Variants in CEP295 observed in about 807,000 individuals in gnomAD.
The protein encoded by CEP295 is centrosomal protein 295, also known as centrosomal protein of 295 kDa.
In CEP295, 190 loss-of-function variants were observed where a neutral mutation model predicts 291.6. The observed-to-expected ratio is 0.65, with a 90% confidence interval of 0.58 to 0.73. CEP295 has a LOEUF of 0.73. CEP295 is among the 30% of genes least tolerant of loss of function. CEP295 has a pLI of 0.00. For missense variants in CEP295, 2,863 were observed against 2,949.4 expected, an observed-to-expected ratio of 0.97 and a Z score of 0.68; for synonymous variants, 993 against 1,038.8, an observed-to-expected ratio of 0.96 and a Z score of 0.85.
rs533637734 is a variant in CEP295 at position 93,695,681 on chromosome 11, G to A, written c.1671+47G>A. The A allele has an allele frequency of 1.7e-5, 25 of 1,468,052 alleles. No individual in the cohort carries two copies. In the East Asian group the frequency reaches 6.8e-4, roughly 40 times the overall value. 90.9% of individuals were successfully genotyped at this position (1,468,052 alleles called of 1,614,324 possible). ...CACTACATAAATCATTTGGTAAGGG[G>A]GGCAAGAAAATATGAGCACTTGTAG... On this transcript the variant is annotated intron_variant, in intron 13 of 29. Coordinates refer to ENST00000325212, the MANE Select transcript of CEP295 (RefSeq NM_033395.2).
rs144988709 is a variant in CEP295 at position 93,687,379 on chromosome 11, A to G, written c.1115-265A>G. On this transcript the variant is annotated intron_variant, in intron 9 of 29. Transcript: ENST00000325212. ...TAAACATCTTCCTGATAAGTTTTTTAGGCTTGATATTTGTGTTGCATACAT... is the reference window on the plus strand; with the variant it reads ...TAAACATCTTCCTGATAAGTTTTTTGGGCTTGATATTTGTGTTGCATACAT... 1.4e-3 allele frequency among the ~76,000 whole-genome samples: 212 copies of G among 152,314 alleles called. 1 individual carries two copies. The highest frequency in any genetic ancestry group is 5.0e-3 in the African/African-American group (207 of 41,578).
chr11:93,666,210 T>G (rs1023310234), intron 1 of CEP295, among the ~76,000 whole-genome samples: 1 of 152,212 alleles, frequency 6.6e-6, no homozygotes, highest in East Asian at 1.9e-4. Flanking sequence ...AATTTATAAT[T>G]GCTATTTGTA....
chr11:93,668,025 C>T (rs764906024), intron 3 of CEP295, among the ~76,000 whole-genome samples: 3 of 151,876 alleles, frequency 2.0e-5, no homozygotes, highest in Non-Finnish European at 4.4e-5. Flanking sequence ...ATTGGTCTTC[C>T]TATGATGTTC....
In CEP295 at chr11:93,687,754, G is replaced by A. The variant is rs922154548; in HGVS notation, c.1225G>A (p.Asp409Asn). ...CTGGACAATTAAATCTATGTCTGAG[G>A]ATGAAAGTGAAATGATTACGACTGT... is the stretch of plus-strand genomic sequence containing the variant. ...SLWTIKSMSE[D>N]ESEMITTVSE... Residue 409 changes from aspartate (D) to asparagine (N), a missense_variant, in exon 10 of 30, where the codon GAT becomes AAT. Asp to Asn is a conservative substitution (Grantham distance 23, BLOSUM62 1). This residue lies in a region of CEP295 where 554 missense variants were observed against 576.0 expected (regional missense o/e 0.96). Coordinates refer to ENST00000325212, the MANE Select transcript of CEP295 (RefSeq NM_033395.2). 28 of 1,550,758 alleles carry A rather than the reference G, an allele frequency of 1.8e-5. No homozygotes were observed. The highest frequency in any genetic ancestry group is 2.7e-5 in the African/African-American group (2 of 72,994).
chr11:93,683,801 T>C (rs1378290078), intron 8 of CEP295, 59 bp downstream of exon 8: 3 of 1,481,698 alleles, frequency 2.0e-6, no homozygotes, highest in Non-Finnish European at 2.7e-6. Context: ...TGGGAAAATA[T>C]GTTTGTAATG....
At position 93,729,956 on chromosome 11, in the gene CEP295, CAAAGGGG is replaced by C. The variant is rs1938184782; in HGVS notation, c.7655_7661del (p.Gln2552LeufsTer2). 1 of 1,535,974 alleles carries C rather than the reference CAAAGGGG, an allele frequency of 6.5e-7. No homozygotes were observed. Among genetic ancestry groups the C allele is most frequent in the South Asian group, 1.2e-5 (1 of 80,788 alleles). On this transcript the variant is annotated frameshift_variant, in exon 28 of 30. Transcript: ENST00000325212. LOFTEE classifies it high-confidence loss of function. ...AAAGACTACACAGGCTCTAAGGCACCAAAGGGGTCTAAGGTAGGGTTAATTTTTTTTT... is the reference window on the plus strand; with the variant it reads ...AAAGACTACACAGGCTCTAAGGCACCTCTAAGGTAGGGTTAATTTTTTTTT...
At chr11:93,681,887 C>T (rs1020774700) in intron 7 of CEP295, among the ~76,000 whole-genome samples, 15 of 151,382 alleles carry the variant, frequency 9.9e-5, no homozygotes, top group African/African-American at 2.7e-4. Flanking sequence ...TCCCCTGCCA[C>T]ACCTCTCCTG....
intron 19 of CEP295, 61 bp from the exon 20 acceptor site, chr11:93,721,885 GTTGGTGAT>G: frequency 1.0e-6 from 1 of 999,952 alleles, no homozygotes; most frequent in Non-Finnish European, 1.6e-6. Context: ...AACTGCTGGG[GTTGGTGAT>G]TTGGGGTTTT....
chr11:93,719,885 G>A (rs1182681846), intron 18 of CEP295, among the ~76,000 whole-genome samples: 3 of 152,068 alleles, frequency 2.0e-5, no homozygotes, highest in East Asian at 3.8e-4. Context: ...ATGTCTTGGT[G>A]AGCTTTCTCA....
rs917799320 is a variant in CEP295 at position 93,698,549 on chromosome 11, G to A, written c.3637G>A (p.Glu1213Lys). 5.2e-6 allele frequency: 8 copies of A among 1,552,114 alleles called. No individual in the cohort carries two copies. The highest frequency in any genetic ancestry group is 1.7e-4 in the Middle Eastern group (1 of 5,992). The part of the protein sequence containing the change: ...GTSSSLSQVD[E>K]SERFQECISI... Reference sequence around the variant, plus strand: ...CTCCTCATCCCTTTCCCAGGTGGATGAATCTGAGAGATTCCAGGAATGTAT... The same window carrying A: ...CTCCTCATCCCTTTCCCAGGTGGATAAATCTGAGAGATTCCAGGAATGTAT... Residue 1213 changes from glutamate (E) to lysine (K), a missense_variant, in exon 15 of 30, where the codon GAA becomes AAA. Glu to Lys is a moderately conservative substitution (Grantham distance 56, BLOSUM62 1). Around this residue, in one of 3 missense-constraint regions of CEP295, gnomAD observed 2,295 missense variants for 2,335.7 expected, o/e 0.98. Coordinates refer to ENST00000325212, the MANE Select transcript of CEP295 (RefSeq NM_033395.2).
chr11:93,670,453 T>G (rs1263095166), intron 5 of CEP295, among the ~76,000 whole-genome samples: 4 of 152,308 alleles, frequency 2.6e-5, no homozygotes, highest in South Asian at 4.1e-4. Flanking sequence ...CACATTAGCT[T>G]GTTATAGTTA....
At position 93,697,031 on chromosome 11, in the gene CEP295, C is replaced by G; in HGVS notation, c.2119C>G (p.Gln707Glu). 1 of 1,551,574 alleles carries G rather than the reference C, an allele frequency of 6.4e-7. No homozygotes were observed. The highest frequency in any genetic ancestry group is 1.2e-5 in the South Asian group (1 of 84,064). The change falls in exon 15 of 30, where the codon CAA becomes GAA. Residue 707 changes from glutamine to glutamate, a missense_variant. Around this residue, in one of 3 missense-constraint regions of CEP295, gnomAD observed 2,295 missense variants for 2,335.7 expected, o/e 0.98. Transcript: ENST00000325212. ...DILTNQALESQEHLRQFSQTE... is the reference protein window; with the variant it reads ...DILTNQALESEEHLRQFSQTE... ...TTTAACCAATCAAGCTTTAGAATCA[C>G]AAGAACATCTAAGGCAATTCTCTCA...
Position 93,697,595 on chromosome 11 carries a change from G to C in CEP295, c.2683G>C (p.Asp895His). ...GGTATTCCTTCCCTTGGTAACTCCA[G>C]ATTCATCTGCTTTATTGCCTTCTGC... is the stretch of plus-strand genomic sequence containing the variant. ...LSVFLPLVTP[D>H]SSALLPSAKA... Residue 895 changes from aspartate to histidine, a missense_variant, in exon 15 of 30, where the codon GAT becomes CAT. This residue lies in a region of CEP295 where 2,295 missense variants were observed against 2,335.7 expected (regional missense o/e 0.98). Transcript: ENST00000325212. 1 of 1,551,792 alleles carries C rather than the reference G, an allele frequency of 6.4e-7. No individual in the cohort carries two copies. Among genetic ancestry groups the C allele is most frequent in the African/African-American group, 1.4e-5 (1 of 73,178 alleles).
At chr11:93,684,245 A>C in intron 9 of CEP295, 117 bp downstream of exon 9, 1 of 718,570 alleles carries the variant, frequency 1.4e-6, no homozygotes, top group Non-Finnish European at 2.3e-6. Flanking sequence ...AGTAATACTG[A>C]TGGGAGCAGT....
chr11:93,673,892 C>T (rs930428079), intron 5 of CEP295, among the ~76,000 whole-genome samples: 1 of 151,712 alleles, frequency 6.6e-6, no homozygotes, highest in South Asian at 2.1e-4. Flanking sequence ...AAAAACTACT[C>T]AGATAATTCT....
intron 18 of CEP295, among the ~76,000 whole-genome samples, chr11:93,713,913 C>G (rs1420316831): frequency 1.3e-5 from 2 of 151,928 alleles, no homozygotes; most frequent in Non-Finnish European, 2.9e-5. Context: ...TTCACTAATT[C>G]ATTGTGCTTG....
At position 93,691,225 on chromosome 11, in the gene CEP295, C is replaced by T. The variant is rs188195898; in HGVS notation, c.1337-458C>T. Among the ~76,000 whole-genome samples, 56 of 152,298 alleles carry T rather than the reference C, an allele frequency of 3.7e-4. No homozygotes were observed. In the East Asian group the frequency reaches 4.4e-3, roughly 12 times the overall value. ...CCAAATGAATTAATGAGTGAATGAA[C>T]GGATAGCTCCATGCAGACTATCTGG... On this transcript the variant is annotated intron_variant, in intron 10 of 29. Transcript: ENST00000325212.
rs1440267738 is a variant in CEP295 at position 93,696,672 on chromosome 11, T to C, written c.1770-10T>C. On this transcript the variant is annotated splice_polypyrimidine_tract_variant and intron_variant, in intron 14 of 29. Transcript: ENST00000325212. Reference sequence around the variant, plus strand: ...AAAAAACAATAATTGTTTGCTTTTGTTTTTGGTAGGTTACACAGGCAGTCT... The same window carrying C: ...AAAAAACAATAATTGTTTGCTTTTGCTTTTGGTAGGTTACACAGGCAGTCT... 2.6e-6 allele frequency: 4 copies of C among 1,514,416 alleles called. No homozygotes were observed. The highest frequency in any genetic ancestry group is 1.4e-5 in the African/African-American group (1 of 70,942). The allele number at this position is 1,514,416 out of a possible 1,614,324, so 93.8% of individuals were successfully genotyped here.
At chr11:93,670,446 A>G (rs1350042696) in intron 5 of CEP295, among the ~76,000 whole-genome samples, 1 of 152,190 alleles carries the variant, frequency 6.6e-6, no homozygotes, top group Admixed American at 6.5e-5. Context: ...TGTTCTCCAC[A>G]TTAGCTTGTT....
Sources: gnomAD v4.1 joint callset for allele counts (sites outside exome capture counted in the v4.1 genomes callset) on GRCh38, gnomAD v4.1.1 for gene constraint, gnomAD v4.1.1 regional missense constraint, MANE v1.5 for transcripts, NCBI Gene and HGNC (gene_info 2026-07-23, HGNC 2026-07-21) for gene names.